HEATR6: variants seen among roughly 807,000 people sequenced by gnomAD.
HEATR6 encodes HEAT repeat containing 6.
Under a neutral mutation model 132.8 loss-of-function variants are expected in HEATR6, and 106 were observed. The ratio of observed to expected loss-of-function variants is 0.80; its 90% CI spans 0.68 to 0.94. The LOEUF (loss-of-function observed/expected upper bound fraction) is 0.94. HEATR6 is among the 40% of genes least tolerant of loss of function. The pLI is 0.00. For missense variants in HEATR6, 1,339 were observed against 1,425.1 expected (o/e 0.94, Z 0.97); for synonymous variants, 529 against 537.8 (o/e 0.98, Z 0.23).
At chr17:60,057,540 G>A in intron 11 of HEATR6, 137 bp from the exon 12 acceptor site, 1 of 593,442 alleles carries the variant, frequency 1.7e-6, no homozygotes, top group Admixed American at 3.2e-5. Flanking sequence ...CTCATTTCCA[G>A]TTTGGAAATA....
chr17:60,043,287 C>A lies in HEATR6; in HGVS notation c.*276G>T. ...CATTTTTTTTTTCTGAGACTAAATGCCCTCAAAGCCCGTCTGCTTGGCCTG... is the reference window on the plus strand; with the variant it reads ...CATTTTTTTTTTCTGAGACTAAATGACCTCAAAGCCCGTCTGCTTGGCCTG... On this transcript the variant is annotated 3_prime_UTR_variant, in exon 20 of 20. Transcript: ENST00000184956. 2.6e-6 allele frequency: 1 copy of A among 385,306 alleles called. No individual in the cohort carries two copies. Among genetic ancestry groups the A allele is most frequent in the Non-Finnish European group, 4.7e-6 (1 of 214,734 alleles). 23.9% of individuals were successfully genotyped at this position (385,306 alleles called of 1,614,324 possible).
rs1023688296 is a variant in HEATR6 at position 60,047,508 on chromosome 17, A to G, written c.2673-103T>C. The G allele has an allele frequency of 1.3e-5, 7 of 523,904 alleles. No homozygotes were observed. The African/African-American group carries it at 1.4e-4, about 10-fold the overall frequency. The allele number at this position is 523,904 out of a possible 1,614,324, so 32.5% of individuals were successfully genotyped here. On this transcript the variant is annotated intron_variant, in intron 17 of 19. Transcript: ENST00000184956. ...AGTATAAGCCTAAAAGTTTAGGAAA[A>G]CAGTTTAACAAATCTGCTTAGATTA...
intron 1 of HEATR6, chr17:60,076,618 G>C (rs2083298541): frequency 6.1e-6 from 1 of 162,682 alleles, no homozygotes; most frequent in Non-Finnish European, 1.3e-5. Flanking sequence ...TGGGAGGATG[G>C]CTTGAGCCCA....
intron 15 of HEATR6, among the ~76,000 whole-genome samples, chr17:60,050,166 T>A (rs1268328470): frequency 6.6e-6 from 1 of 152,046 alleles, no homozygotes; most frequent in Non-Finnish European, 1.5e-5. Flanking sequence ...ATGAAAGAGA[T>A]TAGTGCCCTT....
intron 8 of HEATR6, among the ~76,000 whole-genome samples, chr17:60,066,863 C>T (rs868203708): frequency 2.6e-5 from 4 of 152,198 alleles, no homozygotes; most frequent in African/African-American, 9.7e-5. Flanking sequence ...GCAGAAAAGG[C>T]TTCCCGGGGA....
In HEATR6 at chr17:60,043,502, T is replaced by C. The variant is rs1906252138; in HGVS notation, c.*61A>G. On this transcript the variant is annotated 3_prime_UTR_variant, in exon 20 of 20. Transcript: ENST00000184956. Reference sequence around the variant, plus strand: ...CCCTAAGATGAAATCCCACAGATCTTATGCTCAAGCTCAGGTCTTCCTACT... The same window carrying C: ...CCCTAAGATGAAATCCCACAGATCTCATGCTCAAGCTCAGGTCTTCCTACT... The C allele has an allele frequency of 7.7e-7, 1 of 1,305,566 alleles. No individual in the cohort carries two copies. Among genetic ancestry groups the C allele is most frequent in the African/African-American group, 1.5e-5 (1 of 67,836 alleles). The allele number at this position is 1,305,566 out of a possible 1,614,324, so 80.9% of individuals were successfully genotyped here. A position where few individuals can be genotyped will look rare whatever the true frequency, so the allele number is the denominator to read the frequency against.
chr17:60,055,473 G>T, intron 14 of HEATR6, 42 bp downstream of exon 14: 1 of 1,337,566 alleles, frequency 7.5e-7, no homozygotes, highest in Non-Finnish European at 1.1e-6. Flanking sequence ...AACTGCAACT[G>T]AAGCATTAAT....
intron 5 of HEATR6, among the ~76,000 whole-genome samples, chr17:60,071,634 G>A (rs1248330091): frequency 6.6e-6 from 1 of 152,070 alleles, no homozygotes; most frequent in Non-Finnish European, 1.5e-5. Context: ...ATGTCCCAGA[G>A]ATATTAAGTT....
At chr17:60,049,499 TG>T (rs1906510378) in intron 16 of HEATR6, 80 bp downstream of exon 16, 1 of 1,511,798 alleles carries the variant, frequency 6.6e-7, no homozygotes, top group South Asian at 1.2e-5. Flanking sequence ...TACCATCCAA[TG>T]CAGGAGCTCT....
At chr17:60,069,576 C>T (rs1428091696) in intron 7 of HEATR6, 135 bp downstream of exon 7, 4 of 776,388 alleles carry the variant, frequency 5.2e-6, no homozygotes, top group Non-Finnish European at 8.2e-6. Context: ...TTTAAATTTA[C>T]TATGCTAACA....
At chr17:60,073,531 GA>G (rs2083280540) in intron 3 of HEATR6, among the ~76,000 whole-genome samples, 1 of 152,102 alleles carries the variant, frequency 6.6e-6, no homozygotes, top group Admixed American at 6.5e-5. Flanking sequence ...ATAATATTAA[GA>G]ATAATGTTTA....
intron 8 of HEATR6, among the ~76,000 whole-genome samples, chr17:60,066,997 G>A (rs968877432): frequency 5.9e-5 from 9 of 152,184 alleles, no homozygotes; most frequent in African/African-American, 1.7e-4. Flanking sequence ...TCGGCCGGGC[G>A]CGGTGGCTCA....
intron 6 of HEATR6, 62 bp downstream of exon 6, chr17:60,070,644 A>G: frequency 3.3e-6 from 3 of 913,750 alleles, no homozygotes; most frequent in Non-Finnish European, 5.4e-6. Context: ...AAGGATGTAA[A>G]GTGGTCCTTG....
intron 1 of HEATR6, 74 bp downstream of exon 1, chr17:60,078,622 G>T: frequency 8.5e-7 from 1 of 1,174,446 alleles, no homozygotes; most frequent in Non-Finnish European, 1.2e-6. Flanking sequence ...ATCAGGGAAA[G>T]GCAGGCAGAG....
chr17:60,057,444 A>G (rs1906782823), intron 11 of HEATR6, 41 bp from the exon 12 acceptor site: 3 of 1,300,188 alleles, frequency 2.3e-6, no homozygotes, highest in Middle Eastern at 1.9e-4. Context: ...CATGGCAACA[A>G]CTACTGTAAA....
chr17:60,046,280 C>T lies in HEATR6; in HGVS notation c.2770-51G>A, dbSNP rs543144902. On this transcript the variant is annotated intron_variant, in intron 18 of 19. Transcript: ENST00000184956. ...AATCTGTTTGGCCAAAGAGATGTTTCCAAAAGTCTAATTTCAGCTTTAAAA... is the reference window on the plus strand; with the variant it reads ...AATCTGTTTGGCCAAAGAGATGTTTTCAAAAGTCTAATTTCAGCTTTAAAA... 2.1e-5 allele frequency: 31 copies of T among 1,443,240 alleles called. No homozygotes were observed. In the South Asian group the frequency reaches 3.6e-4, roughly 17 times the overall value. The allele number at this position is 1,443,240 out of a possible 1,614,324, so 89.4% of individuals were successfully genotyped here.
rs1484303691 is a variant in HEATR6 at position 60,046,032 on chromosome 17, A to G, written c.2967T>C (p.Leu989=). The change falls in exon 19 of 20, where the codon CTT becomes CTC. Residue 989 remains leucine (L), a synonymous_variant. Transcript: ENST00000184956. ...GAAGGGAAACTTTCTTACCTAAAGG[A>G]AGGGCAGGATTTTTAAATACATTTC... ...AMGNVFKNPA[L]PLGTAPWTSQ... The G allele has an allele frequency of 6.2e-7, 1 of 1,613,038 alleles. No homozygotes were observed. Among genetic ancestry groups the G allele is most frequent in the Admixed American group, 1.7e-5 (1 of 59,940 alleles).
rs763512970 is a variant in HEATR6 at position 60,078,775 on chromosome 17, G to T, written c.140C>A (p.Ser47Tyr). ...LCALRPDDSS[S>Y]ARTEIHLLFD... ...GAGCAGGTGGATCTCGGTGCGGGCG[G>T]AGCTGCTGTCATCCGGGCGCAGGGC... Residue 47 changes from serine to tyrosine, a missense_variant, in exon 1 of 20, where the codon TCC becomes TAC. Physicochemically the swap from Ser to Tyr is moderately radical, Grantham distance 144 (BLOSUM62 -2). Coordinates refer to ENST00000184956, the MANE Select transcript of HEATR6 (RefSeq NM_022070.5). The T allele has an allele frequency of 7.0e-6, 11 of 1,581,582 alleles. No individual in the cohort carries two copies. The highest frequency in any genetic ancestry group is 1.8e-5 in the Admixed American group (1 of 55,342).
At chr17:60,066,123 G>C (rs2083239062) in intron 9 of HEATR6, 86 bp downstream of exon 9, 4 of 1,164,104 alleles carry the variant, frequency 3.4e-6, no homozygotes, top group Admixed American at 2.1e-5. Flanking sequence ...GCTATATTCA[G>C]ATCAGACAGG....
Sources: gnomAD v4.1 joint callset for allele counts (sites outside exome capture counted in the v4.1 genomes callset) on GRCh38, gnomAD v4.1.1 for gene constraint, MANE v1.5 for transcripts, NCBI Gene and HGNC (gene_info 2026-07-23, HGNC 2026-07-21) for gene names.